CEP112: variants seen among roughly 807,000 people sequenced by gnomAD.
The protein encoded by CEP112 is centrosomal protein of 112 kDa.
Under a neutral mutation model 153.0 loss-of-function variants are expected in CEP112, and 127 were observed. The observed-to-expected ratio is 0.83, with a 90% CI of 0.72 to 0.96. CEP112 has a LOEUF of 0.96. CEP112 is among the 40% of genes least tolerant of loss of function. The pLI is 0.00. For synonymous variants in CEP112, 358 were observed against 374.4 expected, an observed-to-expected ratio of 0.96 and a Z score of 0.51; for missense variants, 1,089 against 1,101.2, an observed-to-expected ratio of 0.99 and a Z score of 0.16.
chr17:65,969,895 C>A (rs1336773522), intron 17 of CEP112, among the ~76,000 whole-genome samples: 2 of 152,188 alleles, frequency 1.3e-5, no homozygotes, highest in Non-Finnish European at 2.9e-5. Context: ...TACATGCATG[C>A]TTAACACATG....
Position 65,712,805 on chromosome 17 carries a change from T to C in CEP112, c.2608-23587A>G, listed in dbSNP as rs138976229. Among the ~76,000 whole-genome samples the C allele has an allele frequency of 3.0e-3, 453 of 152,262 alleles. 7 individuals are homozygous for C. The highest frequency in any genetic ancestry group is 0.01 in the African/African-American group (418 of 41,560). ...ATGTGAACAAAGACTTTGCCCTCTG[T>C]GTAGGTGGGTGCTGTGGGCGATACT... On this transcript the variant is annotated intron_variant, in intron 23 of 26. Coordinates refer to ENST00000535342, the MANE Select transcript of CEP112 (RefSeq NM_001199165.4).
At chr17:66,086,398 T>C (rs1341926249) in intron 8 of CEP112, among the ~76,000 whole-genome samples, 4 of 9,996 alleles carry the variant, frequency 4.0e-4, no homozygotes, top group South Asian at 4.4e-3. Context: ...TTTTTTTTTT[T>C]TTTTTTTTTT....
At chr17:65,865,091 G>C (rs1051941928) in intron 20 of CEP112, among the ~76,000 whole-genome samples, 1 of 152,016 alleles carries the variant, frequency 6.6e-6, no homozygotes, top group Non-Finnish European at 1.5e-5. Context: ...GCCCAGGCTG[G>C]AGTGCAGTGT....
intron 26 of CEP112, 98 bp downstream of exon 26, chr17:65,637,026 T>A: frequency 1.1e-6 from 1 of 917,348 alleles, no homozygotes. Context: ...TTGTATTATA[T>A]CCAAGCATTT....
At chr17:65,976,372 CA>C (rs2063034190) in intron 17 of CEP112, among the ~76,000 whole-genome samples, 1 of 152,232 alleles carries the variant, frequency 6.6e-6, no homozygotes. Context: ...TCTCCCAAAT[CA>C]AAAACGTTAC....
At chr17:65,676,379 A>C (rs1212119829) in intron 24 of CEP112, among the ~76,000 whole-genome samples, 1 of 152,116 alleles carries the variant, frequency 6.6e-6, no homozygotes, top group East Asian at 1.9e-4. Context: ...TAATGTGTTA[A>C]ATAAATAGGA....
At chr17:66,050,616 G>T (rs1036269077) in intron 12 of CEP112, among the ~76,000 whole-genome samples, 8 of 152,106 alleles carry the variant, frequency 5.3e-5, no homozygotes, top group Non-Finnish European at 8.8e-5. Context: ...TTACAAAGAA[G>T]AGTATAAAAA....
At chr17:66,127,397 CTGGTAACAGGACT>C (rs759319846) in intron 6 of CEP112, among the ~76,000 whole-genome samples, 7 of 152,250 alleles carry the variant, frequency 4.6e-5, no homozygotes, top group Non-Finnish European at 8.8e-5. Context: ...TTCTCCCACA[CTGGTAACAGGACT>C]TGCCTCCAAT....
intron 4 of CEP112, among the ~76,000 whole-genome samples, chr17:66,153,807 G>T (rs144922380): frequency 6.6e-6 from 1 of 151,986 alleles, no homozygotes; most frequent in East Asian, 1.9e-4. Flanking sequence ...AGATAAACAG[G>T]CCAATGAAAG....
At chr17:65,844,261 A>G (rs2057634822) in intron 21 of CEP112, among the ~76,000 whole-genome samples, 1 of 152,266 alleles carries the variant, frequency 6.6e-6, no homozygotes, top group Non-Finnish European at 1.5e-5. Flanking sequence ...ATACATTAGT[A>G]TAAACTTTCT....
At chr17:65,968,293 C>A (rs1363743228) in intron 17 of CEP112, among the ~76,000 whole-genome samples, 1 of 152,004 alleles carries the variant, frequency 6.6e-6, no homozygotes, top group African/African-American at 2.4e-5. Context: ...TATTTATTTC[C>A]TTCAAAAACA....
intron 4 of CEP112, among the ~76,000 whole-genome samples, chr17:66,164,854 CAA>C (rs201821806): frequency 6.9e-6 from 1 of 144,916 alleles, no homozygotes; most frequent in African/African-American, 2.5e-5. Flanking sequence ...AACTCCATCT[CAA>C]AAAAAATATA....
intron 21 of CEP112, among the ~76,000 whole-genome samples, chr17:65,774,621 A>T (rs2053572489): frequency 6.6e-6 from 1 of 152,166 alleles, no homozygotes; most frequent in Non-Finnish European, 1.5e-5. Flanking sequence ...ATTAGTGGGG[A>T]TAATCGATGT....
chr17:66,156,193 C>T (rs376136855), intron 4 of CEP112, among the ~76,000 whole-genome samples: 1 of 152,208 alleles, frequency 6.6e-6, no homozygotes, highest in Non-Finnish European at 1.5e-5. Context: ...AAGGAACAGA[C>T]AGCAATCTTT....
chr17:66,091,905 G>A (rs1465641996), intron 8 of CEP112, among the ~76,000 whole-genome samples: 4 of 152,166 alleles, frequency 2.6e-5, no homozygotes, highest in East Asian at 3.9e-4. Flanking sequence ...GTAATTATAC[G>A]TCAACAAATT....
intron 19 of CEP112, chr17:65,913,709 T>C (rs1244607445): frequency 1.0e-6 from 1 of 985,332 alleles, no homozygotes; most frequent in African/African-American, 1.7e-5. Context: ...CTTTATTCCT[T>C]TTCCTCTCCA....
intron 20 of CEP112, among the ~76,000 whole-genome samples, chr17:65,896,756 T>G (rs1320642871): frequency 6.6e-6 from 1 of 152,032 alleles, no homozygotes; most frequent in Non-Finnish European, 1.5e-5. Flanking sequence ...AATGGCCTAG[T>G]TATGAAAAAC....
intron 21 of CEP112, among the ~76,000 whole-genome samples, chr17:65,768,883 A>G (rs1217010465): frequency 6.6e-6 from 1 of 152,146 alleles, no homozygotes; most frequent in African/African-American, 2.4e-5. Context: ...TAAGGTAAGG[A>G]TGCCAACTCT....
intron 22 of CEP112, among the ~76,000 whole-genome samples, chr17:65,744,460 T>C (rs1008586247): frequency 1.3e-5 from 2 of 151,962 alleles, no homozygotes; most frequent in Admixed American, 6.5e-5. Flanking sequence ...TTGGCCAGAC[T>C]GGTCTCGAAT....
Sources: allele counts gnomAD v4.1 joint callset (sites outside exome capture counted in the v4.1 genomes callset), GRCh38; gene constraint gnomAD v4.1.1; transcripts MANE v1.5; gene names NCBI Gene and HGNC (gene_info 2026-07-23, HGNC 2026-07-21).